The following DIPK1A variants were observed in gnomAD, a reference collection of about 807,000 sequenced individuals.
DIPK1A encodes the protein family with sequence similarity 69 member A.
DIPK1A carries 27 observed loss-of-function variants against 40.8 expected under a neutral mutation model. The observed-to-expected ratio is 0.66, with a 90% CI of 0.49 to 0.91. The LOEUF (loss-of-function observed/expected upper bound fraction) is 0.91. Ranked by LOEUF, DIPK1A falls within the 40% of genes least tolerant of loss-of-function variation. The pLI is 0.00. For missense variants in DIPK1A, 412 were observed against 505.7 expected, an observed-to-expected ratio of 0.81 and a Z score of 1.78; for synonymous variants, 166 against 171.3, an observed-to-expected ratio of 0.97 and a Z score of 0.24.
downstream of DIPK1A, chr1:92,840,937 A>G (rs1434984001): frequency 2.0e-6 from 1 of 494,148 alleles, no homozygotes; most frequent in Admixed American, 2.4e-5. Flanking sequence ...TGGAATAGAA[A>G]GTAATACTTA....
chr1:92,847,326 C>A lies in DIPK1A; in HGVS notation c.331G>T (p.Val111Phe). 1 of 1,610,698 alleles carries A rather than the reference C, an allele frequency of 6.2e-7. No homozygotes were observed. The highest frequency in any genetic ancestry group is 8.5e-7 in the Non-Finnish European group (1 of 1,178,388). ...YLGIWDNLPGVVKCQMEQALH... is the reference protein window; with the variant it reads ...YLGIWDNLPGFVKCQMEQALH... ...GCTTGTTCCATTTGACATTTCACAA[C>A]ACCTGGTAGATTATCCCAAATCCCT... Residue 111 changes from valine to phenylalanine, a missense_variant, in exon 4 of 5, where the codon GTT (valine) becomes TTT (phenylalanine). By Grantham distance (50) the Val-to-Phe change is conservative. Coordinates refer to ENST00000370310, the MANE Select transcript of DIPK1A (RefSeq NM_001006605.5).
At chr1:92,832,966 G>T (rs1229259400) in exon 5 of DIPK1A, 4 of 723,180 alleles carry the variant, frequency 5.5e-6, no homozygotes, top group African/African-American at 1.7e-5. Flanking sequence ...ACAAACCGAC[G>T]TTTGGCATCA....
At chr1:92,915,412 A>G (rs1010092409) in intron 1 of DIPK1A, among the ~76,000 whole-genome samples, 1 of 152,232 alleles carries the variant, frequency 6.6e-6, no homozygotes, top group African/African-American at 2.4e-5. Context: ...ATAAAATGTA[A>G]TTAAAATATA....
At chr1:92,838,844 C>A (rs763745777), downstream of DIPK1A, among the ~76,000 whole-genome samples, 5 of 152,138 alleles carry the variant, frequency 3.3e-5, no homozygotes, top group Non-Finnish European at 7.3e-5. Flanking sequence ...AATTAACTTT[C>A]AAAATGGGTA....
intron 1 of DIPK1A, among the ~76,000 whole-genome samples, chr1:92,925,189 G>A (rs1047576704): frequency 6.6e-6 from 1 of 151,970 alleles, no homozygotes; most frequent in Admixed American, 6.6e-5. Flanking sequence ...ATTTATAGCT[G>A]GATTCAATTT....
At chr1:92,851,436 G>A (rs896330243) in intron 2 of DIPK1A, among the ~76,000 whole-genome samples, 1 of 149,212 alleles carries the variant, frequency 6.7e-6, no homozygotes, top group Non-Finnish European at 1.5e-5. Context: ...CCAGCTACTC[G>A]GGAGGCTGAG....
At chr1:92,914,980 C>T (rs527525977) in intron 1 of DIPK1A, among the ~76,000 whole-genome samples, 5 of 148,980 alleles carry the variant, frequency 3.4e-5, no homozygotes, top group South Asian at 2.2e-4. Flanking sequence ...CCCAGCTACT[C>T]GGGAGGCTGA....
Position 92,878,460 on chromosome 1 carries a change from G to A in DIPK1A, c.55-2030C>T, listed in dbSNP as rs532710336. Among the ~76,000 whole-genome samples the A allele has an allele frequency of 5.3e-5, 8 of 152,158 alleles. No homozygotes were observed. The South Asian group carries it at 1.0e-3, about 20-fold the overall frequency. ...AGAACTTCGGGAGGCCAAGACAGGCGAACAACTTGAGGTGAGGAGTTCAAG... is the reference window on the plus strand; with the variant it reads ...AGAACTTCGGGAGGCCAAGACAGGCAAACAACTTGAGGTGAGGAGTTCAAG... On this transcript the variant is annotated intron_variant, in intron 1 of 4. Transcript: ENST00000370310.
chr1:92,955,645 C>T (rs1651820973), intron 1 of DIPK1A, among the ~76,000 whole-genome samples: 1 of 146,650 alleles, frequency 6.8e-6, no homozygotes, highest in East Asian at 2.0e-4. Flanking sequence ...TTGCAGTGAG[C>T]TGAGATCGCA....
At chr1:92,869,634 T>C (rs1209489258) in intron 2 of DIPK1A, among the ~76,000 whole-genome samples, 4 of 152,168 alleles carry the variant, frequency 2.6e-5, no homozygotes, top group African/African-American at 9.7e-5. Context: ...AAAGATGAAA[T>C]TGACTGAAGA....
intron 2 of DIPK1A, among the ~76,000 whole-genome samples, chr1:92,862,450 A>G (rs1571067773): frequency 6.6e-6 from 1 of 152,228 alleles, no homozygotes; most frequent in South Asian, 2.1e-4. Context: ...CTGGTCACCA[A>G]TTGCTGGCAA....
intron 2 of DIPK1A, among the ~76,000 whole-genome samples, chr1:92,867,172 T>C (rs1355115664): frequency 6.6e-6 from 1 of 151,828 alleles, no homozygotes; most frequent in African/African-American, 2.4e-5. Flanking sequence ...AGCTCAGAAA[T>C]GGCAAAGCTG....
chr1:92,928,875 T>G (rs576387993), intron 1 of DIPK1A, among the ~76,000 whole-genome samples: 35 of 152,188 alleles, frequency 2.3e-4, no homozygotes, highest in Admixed American at 1.2e-3. Context: ...GGCAGGAGAA[T>G]TGCTCGAACC....
downstream of DIPK1A, among the ~76,000 whole-genome samples, chr1:92,841,126 C>T (rs1687347617): frequency 6.6e-6 from 1 of 152,182 alleles, no homozygotes. Context: ...TGCAATAGAA[C>T]TAAAAACAAA....
At chr1:92,919,934 G>A (rs962458859) in intron 1 of DIPK1A, among the ~76,000 whole-genome samples, 11 of 152,152 alleles carry the variant, frequency 7.2e-5, no homozygotes, top group Admixed American at 3.3e-4. Context: ...GCCATTAATC[G>A]ACATCATGTA....
chr1:92,944,507 C>T (rs1050826690), intron 1 of DIPK1A, among the ~76,000 whole-genome samples: 1 of 152,180 alleles, frequency 6.6e-6, no homozygotes, highest in African/African-American at 2.4e-5. Flanking sequence ...TTCTTGTCAG[C>T]AACAGGGGAT....
downstream of DIPK1A, among the ~76,000 whole-genome samples, chr1:92,839,743 A>C (rs1484765173): frequency 6.6e-6 from 1 of 152,208 alleles, no homozygotes; most frequent in Non-Finnish European, 1.5e-5. Flanking sequence ...TAAAATGAGA[A>C]GCGCAATATT....
chr1:92,923,756 A>G (rs1650367705), intron 1 of DIPK1A, among the ~76,000 whole-genome samples: 1 of 152,230 alleles, frequency 6.6e-6, no homozygotes, highest in South Asian at 2.1e-4. Flanking sequence ...CTACAGCTGC[A>G]TAGTTGATGA....
At chr1:92,918,156 CT>C (rs978018996) in intron 1 of DIPK1A, among the ~76,000 whole-genome samples, 3 of 151,078 alleles carry the variant, frequency 2.0e-5, no homozygotes, top group East Asian at 3.9e-4. Context: ...GGAGTCATTT[CT>C]TTTTTTTTCT....
Sources: allele counts gnomAD v4.1 joint callset (sites outside exome capture counted in the v4.1 genomes callset), GRCh38; gene constraint gnomAD v4.1.1; transcripts MANE v1.5; gene names NCBI Gene and HGNC (gene_info 2026-07-23, HGNC 2026-07-21).